OR2L13: variants seen among roughly 807,000 people sequenced by gnomAD.
OR2L13 encodes the protein olfactory receptor 2L13.
OR2L13 carries 14 observed loss-of-function variants against 15.3 expected under a neutral mutation model. The ratio of observed to expected loss-of-function variants is 0.91; its 90% CI spans 0.60 to 1.43. OR2L13 has a LOEUF of 1.43. OR2L13 is among the 40% of genes most tolerant of loss of function. The probability of loss-of-function intolerance (pLI) is 0.00; values close to 1 mark genes in which losing one functional copy is unlikely to be tolerated. For synonymous variants in OR2L13, 152 were observed against 142.9 expected, an observed-to-expected ratio of 1.06 and a Z score of -0.45; for missense variants, 367 against 387.9, an observed-to-expected ratio of 0.95 and a Z score of 0.45.
chr1:248,012,974 C>A, the OR2L13 span, among the ~76,000 whole-genome samples: 1 of 151,484 alleles, frequency 6.6e-6, no homozygotes, highest in Non-Finnish European at 1.5e-5. Flanking sequence ...TAAATATATT[C>A]TAGATATTAT....
At chr1:247,987,904 A>G in the OR2L13 span, among the ~76,000 whole-genome samples, 2 of 152,126 alleles carry the variant, frequency 1.3e-5, no homozygotes, top group African/African-American at 4.8e-5. Context: ...TAAATACAAA[A>G]AATATATATT....
At chr1:247,965,721 T>G in the OR2L13 span, 1 of 1,555,876 alleles carries the variant, frequency 6.4e-7, no homozygotes, top group East Asian at 2.3e-5. Context: ...CCCTTCTCCT[T>G]GGTTTTATGT....
the OR2L13 span, among the ~76,000 whole-genome samples, chr1:248,056,633 G>A: frequency 2.0e-5 from 3 of 147,242 alleles, no homozygotes; most frequent in Non-Finnish European, 4.5e-5. Context: ...TCAGGAGCAG[G>A]TTGTTCTATT....
At chr1:247,980,122 G>C in the OR2L13 span, among the ~76,000 whole-genome samples, 3 of 152,020 alleles carry the variant, frequency 2.0e-5, no homozygotes, top group Non-Finnish European at 4.4e-5. Context: ...TGGAAAATTT[G>C]AGTACATTTA....
At chr1:247,955,476 G>A in the OR2L13 span, among the ~76,000 whole-genome samples, 1 of 151,824 alleles carries the variant, frequency 6.6e-6, no homozygotes. Flanking sequence ...TAATGCGATG[G>A]CTGGGTCAAA....
chr1:247,937,212 G>T, the OR2L13 span: 3 of 153,372 alleles, frequency 2.0e-5, no homozygotes, highest in South Asian at 5.3e-4. Context: ...GCTGCTGCGA[G>T]ACCAGCCGCG....
At chr1:247,983,079 T>A in the OR2L13 span, among the ~76,000 whole-genome samples, 2 of 152,176 alleles carry the variant, frequency 1.3e-5, no homozygotes, top group African/African-American at 4.8e-5. Flanking sequence ...TATATGTGTA[T>A]GTGTTTGTTT....
chr1:248,043,580 G>T, the OR2L13 span, among the ~76,000 whole-genome samples: 4 of 152,178 alleles, frequency 2.6e-5, no homozygotes, highest in Non-Finnish European at 5.9e-5. Flanking sequence ...AAGAGAGGCA[G>T]ATAGATGGAC....
chr1:248,096,307 C>A (rs569476988), upstream of OR2L13, among the ~76,000 whole-genome samples: 1 of 151,316 alleles, frequency 6.6e-6, no homozygotes, highest in Non-Finnish European at 1.5e-5. Flanking sequence ...GGCGTGAACC[C>A]GGGAGGCGGA....
chr1:248,062,466 G>A, the OR2L13 span: 2 of 152,084 alleles, frequency 1.3e-5, no homozygotes, highest in South Asian at 4.2e-4. Context: ...AAAATCAGTT[G>A]CACAGAAAGG....
the OR2L13 span, among the ~76,000 whole-genome samples, chr1:247,963,735 C>T: frequency 6.6e-6 from 1 of 152,148 alleles, no homozygotes; most frequent in Non-Finnish European, 1.5e-5. Context: ...CTGCATTCCT[C>T]ATATATGTCC....
chr1:248,035,393 G>A, the OR2L13 span, among the ~76,000 whole-genome samples: 1 of 151,962 alleles, frequency 6.6e-6, no homozygotes, highest in Non-Finnish European at 1.5e-5. Context: ...AGCTTGCAGT[G>A]AGCCGAGATC....
the OR2L13 span, among the ~76,000 whole-genome samples, chr1:248,064,334 T>G: frequency 3.3e-5 from 5 of 152,128 alleles, no homozygotes; most frequent in Non-Finnish European, 7.4e-5. Context: ...TGGTGCCATC[T>G]AGGGTGTCGT....
the OR2L13 span, among the ~76,000 whole-genome samples, chr1:248,067,874 C>T: frequency 6.6e-6 from 1 of 152,190 alleles, no homozygotes; most frequent in East Asian, 1.9e-4. Context: ...GTCCCACGCC[C>T]ACAGAGTCTC....
chr1:247,975,583 A>T, the OR2L13 span: 3 of 1,310,700 alleles, frequency 2.3e-6, no homozygotes, highest in Non-Finnish European at 2.2e-6. Flanking sequence ...CAACCCCATC[A>T]TCTACAGCCT....
chr1:247,978,747 C>A, the OR2L13 span, among the ~76,000 whole-genome samples: 5,877 of 152,052 alleles, frequency 0.039, 344 homozygotes, highest in African/African-American at 0.13. Context: ...AAGCAGGGGT[C>A]TTTCAGGATC....
chr1:248,083,496 G>T, the OR2L13 span: 1 of 710,256 alleles, frequency 1.4e-6, no homozygotes, highest in East Asian at 2.6e-5. Context: ...AATACAATTA[G>T]CTCACTTCAT....
At chr1:248,022,624 G>A in the OR2L13 span, 140 of 1,613,914 alleles carry the variant, frequency 8.7e-5, no homozygotes, top group Admixed American at 2.3e-4. Context: ...GCTGTCTACC[G>A]CATGCACTCT....
chr1:248,052,586 C>A, the OR2L13 span, among the ~76,000 whole-genome samples: 1 of 152,040 alleles, frequency 6.6e-6, no homozygotes, highest in Non-Finnish European at 1.5e-5. Flanking sequence ...AAAAAATTAG[C>A]TGGGCGTGGT....
Sources: gnomAD v4.1 joint callset for allele counts (sites outside exome capture counted in the v4.1 genomes callset) on GRCh38, gnomAD v4.1.1 for gene constraint, MANE v1.5 for transcripts, NCBI Gene and HGNC (gene_info 2026-07-23, HGNC 2026-07-21) for gene names.